The following PARD3 variants were observed in gnomAD, a reference collection of about 807,000 sequenced individuals.
PARD3 encodes par-3 family cell polarity regulator.
A neutral mutation model predicts 155.4 loss-of-function variants in PARD3; 75 were observed. The ratio of observed to expected loss-of-function variants is 0.48; its 90% CI spans 0.40 to 0.58. The LOEUF (loss-of-function observed/expected upper bound fraction) is 0.58. Among genes scored for constraint, PARD3 ranks in the 20% least tolerant of loss-of-function variants. PARD3 has a pLI of 0.00. For synonymous variants in PARD3, 576 were observed against 610.5 expected, an observed-to-expected ratio of 0.94 and a Z score of 0.83; for missense variants, 1,642 against 1,721.7, an observed-to-expected ratio of 0.95 and a Z score of 0.82.
intron 1 of PARD3, among the ~76,000 whole-genome samples, chr10:34,741,174 A>ATTTTTTTT (rs71033345): frequency 0.011 from 1,276 of 114,240 alleles, 81 homozygotes; most frequent in Middle Eastern, 0.022. Flanking sequence ...CGTAAACCAA[A>ATTTTTTTT]TTTTTTTTTT....
rs566270247 is a variant in PARD3, at chr10:34,416,382, AAGG to A, written c.715-14468_715-14466del. Among the ~76,000 whole-genome samples the A allele has an allele frequency of 6.2e-4, 95 of 152,228 alleles. No individual in the cohort carries two copies. In the South Asian group the frequency reaches 6.4e-3, roughly 10 times the overall value. ...TTTCAGTGACACTTCACACCAACATAAGGAGGGCAGGGGGGACTTTGCAGAGAA... is the reference window on the plus strand; with the variant it reads ...TTTCAGTGACACTTCACACCAACATAAGGGCAGGGGGGACTTTGCAGAGAA... On this transcript the variant is annotated intron_variant, in intron 5 of 24. Coordinates refer to ENST00000374788, the MANE Select transcript of PARD3 (RefSeq NM_001184785.2).
At chr10:34,664,269 C>G (rs553156145) in intron 2 of PARD3, among the ~76,000 whole-genome samples, 26 of 151,886 alleles carry the variant, frequency 1.7e-4, no homozygotes, top group Non-Finnish European at 2.4e-4. Context: ...GTAGCGTGAT[C>G]TCGGCTCACT....
At chr10:34,472,258 T>A (rs773994) in intron 3 of PARD3, among the ~76,000 whole-genome samples, 9,683 of 152,232 alleles carry the variant, frequency 0.064, 405 homozygotes, top group African/African-American at 0.12. Context: ...ATTTCTGGAT[T>A]TTAGTGTCTG....
chr10:34,509,754 T>C (rs2081291597), intron 3 of PARD3, among the ~76,000 whole-genome samples: 5 of 151,876 alleles, frequency 3.3e-5, no homozygotes, highest in African/African-American at 1.2e-4. Context: ...CTTTGCAAAA[T>C]TAAAAAACAA....
intron 1 of PARD3, among the ~76,000 whole-genome samples, chr10:34,709,566 C>T (rs144007809): frequency 4.6e-5 from 7 of 151,288 alleles, no homozygotes; most frequent in East Asian, 4.0e-4. Context: ...AGGCGGGGGC[C>T]ACACACAGGT....
intron 1 of PARD3, among the ~76,000 whole-genome samples, chr10:34,757,886 T>C (rs114855277): frequency 1.6e-3 from 242 of 152,290 alleles, no homozygotes; most frequent in African/African-American, 5.5e-3. Context: ...CTGGAAGGGT[T>C]CTGCTGATGA....
At chr10:34,335,034 G>A (rs80014091) in intron 18 of PARD3, among the ~76,000 whole-genome samples, 5,105 of 151,820 alleles carry the variant, frequency 0.034, 130 homozygotes, top group Non-Finnish European at 0.054. Flanking sequence ...TACTTGGATC[G>A]GGGTTATTGC....
chr10:34,147,322 T>C (rs575531327), intron 22 of PARD3, among the ~76,000 whole-genome samples: 1 of 152,312 alleles, frequency 6.6e-6, no homozygotes, highest in South Asian at 2.1e-4. Context: ...TGAGACTTTA[T>C]TGTATTGTTG....
intron 22 of PARD3, among the ~76,000 whole-genome samples, chr10:34,264,312 G>A (rs1955183748): frequency 6.6e-6 from 1 of 152,160 alleles, no homozygotes; most frequent in Non-Finnish European, 1.5e-5. Context: ...TGGTAGGTGA[G>A]GCGTATTCAA....
rs59792013 is a variant in PARD3 at position 34,606,156 on chromosome 10, ATGTGTGTGTGTGTGTGTGTGTGTGTGTG to A, written c.223-89025_223-88998del. Among the ~76,000 whole-genome samples the A allele has an allele frequency of 1.2e-3, 155 of 126,488 alleles. 1 individual carries two copies. The highest frequency in any genetic ancestry group is 3.3e-3 in the East Asian group (14 of 4,216). The allele number at this position is 126,488 out of a possible 152,430, so 83.0% of individuals were successfully genotyped here. On this transcript the variant is annotated intron_variant, in intron 2 of 24. Coordinates refer to ENST00000374788, the MANE Select transcript of PARD3 (RefSeq NM_001184785.2). The stretch of plus-strand genomic sequence containing the variant: ...TATTACTATACATATATAAAGGGAA[ATGTGTGTGTGTGTGTGTGTGTGTGTGTG>A]TGTGTGTGTGTGTGTGTGTGTGTGT...
intron 1 of PARD3, among the ~76,000 whole-genome samples, chr10:34,768,404 A>C (rs569526581): frequency 6.6e-6 from 1 of 151,706 alleles, no homozygotes; most frequent in Non-Finnish European, 1.5e-5. Context: ...GACAACTCGA[A>C]GCAAAGGCGG....
At chr10:34,156,298 T>A (rs955375247) in intron 22 of PARD3, among the ~76,000 whole-genome samples, 1 of 152,106 alleles carries the variant, frequency 6.6e-6, no homozygotes, top group South Asian at 2.1e-4. Flanking sequence ...GGTCTTGTTA[T>A]ATTGTCCAGG....
intron 22 of PARD3, among the ~76,000 whole-genome samples, chr10:34,135,277 A>G (rs1414240756): frequency 6.6e-6 from 1 of 152,212 alleles, no homozygotes; most frequent in Non-Finnish European, 1.5e-5. Context: ...GCCTCCACCA[A>G]CACATTGGCT....
chr10:34,686,986 T>C (rs1033620114), intron 2 of PARD3, among the ~76,000 whole-genome samples: 6 of 151,638 alleles, frequency 4.0e-5, no homozygotes, highest in African/African-American at 1.5e-4. Context: ...GAGGCAGAGG[T>C]TTCAGTGAGC....
At chr10:34,448,958 G>T (rs1264655282) in intron 5 of PARD3, among the ~76,000 whole-genome samples, 2 of 134,666 alleles carry the variant, frequency 1.5e-5, no homozygotes, top group Admixed American at 8.1e-5. Context: ...TCACTCTGTC[G>T]CCCAGGCTAG....
chr10:34,571,940 T>C (rs1006434499), intron 2 of PARD3, among the ~76,000 whole-genome samples: 1 of 152,160 alleles, frequency 6.6e-6, no homozygotes, highest in Non-Finnish European at 1.5e-5. Flanking sequence ...AGTGGGAGAA[T>C]ACAAATATTA....
intron 1 of PARD3, among the ~76,000 whole-genome samples, chr10:34,715,421 T>C (rs2094505489): frequency 6.6e-6 from 1 of 152,124 alleles, no homozygotes; most frequent in Non-Finnish European, 1.5e-5. Context: ...ACACAGGGGA[T>C]GTACCTTCAT....
At chr10:34,478,169 T>C (rs562683725) in intron 3 of PARD3, among the ~76,000 whole-genome samples, 100 of 152,358 alleles carry the variant, frequency 6.6e-4, no homozygotes, top group South Asian at 5.0e-3. Flanking sequence ...ATTTTTTTTC[T>C]ATATAAGCAA....
At position 34,750,462 on chromosome 10, in the gene PARD3, A is replaced by AACACACACAC. The variant is rs71033348; in HGVS notation, c.121-54053_121-54044dup. ...AGTTACATCCTCTTTCTCTCTTTCA[A>AACACACACAC]ACACACACACACACACACACACACA... On this transcript the variant is annotated intron_variant, in intron 1 of 24. Coordinates refer to ENST00000374788, the MANE Select transcript of PARD3 (RefSeq NM_001184785.2). 1.8e-3 allele frequency among the ~76,000 whole-genome samples: 250 copies of AACACACACAC among 135,906 alleles called. 1 individual carries two copies. The highest frequency in any genetic ancestry group is 5.0e-3 in the Admixed American group (66 of 13,224). The allele number at this position is 135,906 out of a possible 152,430, so 89.2% of individuals were successfully genotyped here. A position where few individuals can be genotyped will look rare whatever the true frequency, so the allele number is the denominator to read the frequency against.
Sources: gnomAD v4.1 joint callset for allele counts (sites outside exome capture counted in the v4.1 genomes callset) on GRCh38, gnomAD v4.1.1 for gene constraint, MANE v1.5 for transcripts, NCBI Gene and HGNC (gene_info 2026-07-23, HGNC 2026-07-21) for gene names.